The following SLC5A1 variants were observed in gnomAD, a reference collection of about 807,000 sequenced individuals.
SLC5A1 encodes the protein solute carrier family 5 member 1.
A neutral mutation model predicts 73.5 loss-of-function variants in SLC5A1; 42 were observed. That is an observed-to-expected ratio of 0.57 (90% CI 0.45 to 0.74). The LOEUF (loss-of-function observed/expected upper bound fraction) is 0.74, where lower values mean the gene tolerates loss of function less well. Ranked by LOEUF, SLC5A1 falls within the 30% of genes least tolerant of loss-of-function variation. SLC5A1 has a pLI of 0.00. For missense variants in SLC5A1, 634 were observed against 855.4 expected, an observed-to-expected ratio of 0.74 and a Z score of 3.23; for synonymous variants, 300 against 317.4, an observed-to-expected ratio of 0.95 and a Z score of 0.58.
At chr22:32,101,478 A>G (rs1258295359) in intron 12 of SLC5A1, among the ~76,000 whole-genome samples, 1 of 152,242 alleles carries the variant, frequency 6.6e-6, no homozygotes, top group African/African-American at 2.4e-5. Context: ...TTCATAAAAT[A>G]AACTACAAAG....
chr22:32,080,351 G>A (rs1358987976), intron 5 of SLC5A1, among the ~76,000 whole-genome samples: 2 of 152,248 alleles, frequency 1.3e-5, no homozygotes, highest in African/African-American at 4.8e-5. Flanking sequence ...CAGGGCTCAC[G>A]TGTTAGCTCA....
chr22:32,081,353 G>A lies in SLC5A1; in HGVS notation c.478-513G>A, dbSNP rs568769796. 3.3e-5 allele frequency among the ~76,000 whole-genome samples: 5 copies of A among 152,296 alleles called. No homozygotes were observed. The South Asian group carries it at 8.3e-4, about 25-fold the overall frequency. ...GTCTGAGTCAAGATGGACTGCATCC[G>A]GGTTGGGGAGTTAAAATTACAAACT... On this transcript the variant is annotated intron_variant, in intron 5 of 14. Transcript: ENST00000266088.
chr22:32,075,509 G>GA (rs2093989457), intron 5 of SLC5A1, among the ~76,000 whole-genome samples: 1 of 152,178 alleles, frequency 6.6e-6, no homozygotes, highest in Non-Finnish European at 1.5e-5. Flanking sequence ...GCAGAACTGG[G>GA]ATGAGAAGCA....
chr22:32,083,391 C>G (rs977175669), intron 7 of SLC5A1, among the ~76,000 whole-genome samples: 1 of 152,200 alleles, frequency 6.6e-6, no homozygotes, highest in Admixed American at 6.5e-5. Context: ...CTGCTGCCCT[C>G]TCTCACCAGT....
At chr22:32,049,154 T>TTATA (rs1569298693) in intron 1 of SLC5A1, among the ~76,000 whole-genome samples, 2 of 130,282 alleles carry the variant, frequency 1.5e-5, no homozygotes, top group Non-Finnish European at 3.5e-5. Flanking sequence ...ATAATCTATA[T>TTATA]TATATATAAT....
Position 32,049,868 on chromosome 22 carries a change from G to C in SLC5A1, c.136-75G>C, listed in dbSNP as rs33931887. On this transcript the variant is annotated intron_variant, in intron 1 of 14. Coordinates refer to ENST00000266088, the MANE Select transcript of SLC5A1 (RefSeq NM_000343.4). ...AGTGGGTAGAAGAAGGTGCACGAAT[G>C]GGGAGGTATGTCCTTTTGGCTGGCA... The C allele has an allele frequency of 5.2e-5, 58 of 1,120,654 alleles. No homozygotes were observed. In the Admixed American group the frequency reaches 9.8e-4, roughly 19 times the overall value. The allele number at this position is 1,120,654 out of a possible 1,614,324, so 69.4% of individuals were successfully genotyped here. A position where few individuals can be genotyped will look rare whatever the true frequency, so the allele number is the denominator to read the frequency against.
rs201764340 is a variant in SLC5A1 at position 32,084,427 on chromosome 22, G to A, written c.665-12G>A. 28 of 1,609,966 alleles carry A rather than the reference G, an allele frequency of 1.7e-5. No individual in the cohort carries two copies. The Admixed American group carries it at 3.3e-4, about 19-fold the overall frequency. On this transcript the variant is annotated splice_polypyrimidine_tract_variant and intron_variant, in intron 7 of 14. Transcript: ENST00000266088. ...GTTTCAGAATGTTCATTTCTGTACCGATGTTTTCCAGCTTTTCACGAAGTG... is the reference window on the plus strand; with the variant it reads ...GTTTCAGAATGTTCATTTCTGTACCAATGTTTTCCAGCTTTTCACGAAGTG...
At chr22:32,094,157 T>C (rs964331118) in intron 11 of SLC5A1, among the ~76,000 whole-genome samples, 27 of 152,240 alleles carry the variant, frequency 1.8e-4, no homozygotes, top group Non-Finnish European at 1.2e-4. Context: ...GACTTGCATA[T>C]GTTAAACCAT....
chr22:32,108,242 G>T lies in SLC5A1; in HGVS notation c.1772-1748G>T, dbSNP rs192775660. Among the ~76,000 whole-genome samples, 47 of 152,078 alleles carry T rather than the reference G, an allele frequency of 3.1e-4. No homozygotes were observed. The East Asian group carries it at 6.4e-3, about 21-fold the overall frequency. On this transcript the variant is annotated intron_variant, in intron 14 of 14. Coordinates refer to ENST00000266088, the MANE Select transcript of SLC5A1 (RefSeq NM_000343.4). ...CTGCCTCAGCCTCCCGAGTAGCTGG[G>T]ACTACATGCCACCATGCCCTGCTAA...
At chr22:32,065,215 G>A (rs1184972700) in intron 2 of SLC5A1, among the ~76,000 whole-genome samples, 1 of 152,066 alleles carries the variant, frequency 6.6e-6, no homozygotes, top group East Asian at 1.9e-4. Flanking sequence ...CTAAAGTACT[G>A]GGATTAGAAG....
chr22:32,060,186 CATATAT>C (rs139595102), intron 2 of SLC5A1, among the ~76,000 whole-genome samples: 62 of 88,758 alleles, frequency 7.0e-4, no homozygotes, highest in South Asian at 3.0e-3. Flanking sequence ...CACACACACA[CATATAT>C]ATATATATTT....
intron 1 of SLC5A1, among the ~76,000 whole-genome samples, chr22:32,049,091 AATATAT>A (rs34960379): frequency 4.6e-5 from 6 of 129,042 alleles, no homozygotes; most frequent in African/African-American, 6.8e-5. Flanking sequence ...TAAATAAATA[AATATAT>A]ATATATATAT....
At chr22:32,067,874 G>GT in intron 3 of SLC5A1, 93 bp from the exon 4 acceptor site, 1 of 1,306,354 alleles carries the variant, frequency 7.7e-7, no homozygotes, top group Non-Finnish European at 1.1e-6. Context: ...AACATGCTGG[G>GT]TAATTTTTCT....
chr22:32,088,658 C>T (rs2094012087), intron 10 of SLC5A1, among the ~76,000 whole-genome samples: 2 of 152,052 alleles, frequency 1.3e-5, no homozygotes, highest in East Asian at 1.9e-4. Context: ...CCTTAATGAC[C>T]TCCCTGTGCT....
chr22:32,098,258 T>C (rs1445393027), intron 11 of SLC5A1, among the ~76,000 whole-genome samples: 2 of 152,252 alleles, frequency 1.3e-5, no homozygotes, highest in Non-Finnish European at 2.9e-5. Flanking sequence ...TGCTCAAGTA[T>C]ACTGCTGTAG....
intron 1 of SLC5A1, 74 bp from the exon 2 acceptor site, chr22:32,049,869 G>T: frequency 8.8e-7 from 1 of 1,133,454 alleles, no homozygotes; most frequent in South Asian, 1.2e-5. Context: ...TGCACGAATG[G>T]GGAGGTATGT....
At chr22:32,050,062 C>G in intron 2 of SLC5A1, 48 bp downstream of exon 2, 1 of 1,473,846 alleles carries the variant, frequency 6.8e-7, no homozygotes, top group Non-Finnish European at 9.5e-7. Context: ...AACTGATACT[C>G]CCTTTAGGAA....
intron 5 of SLC5A1, among the ~76,000 whole-genome samples, chr22:32,075,623 A>G (rs902248358): frequency 6.6e-6 from 1 of 152,170 alleles, no homozygotes; most frequent in East Asian, 1.9e-4. Context: ...AGACCCTGGG[A>G]AAAATGAAGA....
chr22:32,104,868 G>C lies in SLC5A1; in HGVS notation c.1748G>C (p.Gly583Ala). ...LDAEEENIQEGPKETIEIETQ... is the reference protein window; with the variant it reads ...LDAEEENIQEAPKETIEIETQ... ...GCGGAAGAGGAGAACATCCAAGAAG[G>C]CCCTAAGGAGACCATTGAAATAGGT... The change falls in exon 14 of 15, where the codon GGC becomes GCC. Residue 583 changes from glycine (G) to alanine (A), a missense_variant. Physicochemically the swap from Gly to Ala is moderately conservative, Grantham distance 60. Around this residue, in one of 3 missense-constraint regions of SLC5A1, gnomAD observed 161 missense variants for 178.7 expected, o/e 0.90. Transcript: ENST00000266088. 1 of 1,613,704 alleles carries C rather than the reference G, an allele frequency of 6.2e-7. No homozygotes were observed. The highest frequency in any genetic ancestry group is 1.1e-5 in the South Asian group (1 of 91,066).
Sources: gnomAD v4.1 joint callset for allele counts (sites outside exome capture counted in the v4.1 genomes callset) on GRCh38, gnomAD v4.1.1 for gene constraint, gnomAD v4.1.1 regional missense constraint, MANE v1.5 for transcripts, NCBI Gene and HGNC (gene_info 2026-07-23, HGNC 2026-07-21) for gene names.